FER: variants seen among roughly 807,000 people sequenced by gnomAD.
The protein encoded by FER is FER tyrosine kinase.
Under a neutral mutation model 111.0 loss-of-function variants are expected in FER, and 63 were observed. The ratio of observed to expected loss-of-function variants is 0.57; its 90% confidence interval spans 0.46 to 0.70. FER has a LOEUF of 0.70. Among genes scored for constraint, FER ranks in the 30% least tolerant of loss-of-function variants. FER has a pLI of 0.00. For synonymous variants in FER, 327 were observed against 313.9 expected, an observed-to-expected ratio of 1.04 and a Z score of -0.44; for missense variants, 914 against 954.0, an observed-to-expected ratio of 0.96 and a Z score of 0.55.
At chr5:108,752,305 T>G (rs1253588519) in intron 1 of FER, among the ~76,000 whole-genome samples, 1 of 152,044 alleles carries the variant, frequency 6.6e-6, no homozygotes, top group Non-Finnish European at 1.5e-5. Context: ...CAGAAAACTA[T>G]AGAGAAGAAA....
chr5:109,043,713 C>A (rs1243958212), intron 14 of FER, among the ~76,000 whole-genome samples: 1 of 152,102 alleles, frequency 6.6e-6, no homozygotes, highest in African/African-American at 2.4e-5. Context: ...TGGCTCACAC[C>A]TATAATCCCA....
chr5:108,981,085 A>G (rs1014536683), intron 13 of FER, among the ~76,000 whole-genome samples: 22 of 152,280 alleles, frequency 1.4e-4, no homozygotes, highest in African/African-American at 5.1e-4. Context: ...GTGAAGCACA[A>G]TAAAATAAGG....
chr5:109,122,535 G>T (rs140762592), intron 17 of FER, among the ~76,000 whole-genome samples: 470 of 150,018 alleles, frequency 3.1e-3, no homozygotes, highest in African/African-American at 0.011. Context: ...AAAAAAAAAG[G>T]CATGTTCTGC....
chr5:109,046,855 T>C (rs961287178), intron 15 of FER, among the ~76,000 whole-genome samples: 1 of 152,114 alleles, frequency 6.6e-6, no homozygotes, highest in African/African-American at 2.4e-5. Context: ...TTGCACCATT[T>C]TGTGTAAGAG....
chr5:108,761,212 G>A (rs1359869185), intron 1 of FER, among the ~76,000 whole-genome samples: 1 of 152,188 alleles, frequency 6.6e-6, no homozygotes, highest in Non-Finnish European at 1.5e-5. Context: ...ACAGGTGTGA[G>A]CCACTGCACC....
At chr5:108,999,617 A>C (rs1257696357) in intron 13 of FER, among the ~76,000 whole-genome samples, 3 of 152,116 alleles carry the variant, frequency 2.0e-5, no homozygotes, top group Admixed American at 2.0e-4. Context: ...AGATGTTGCT[A>C]AGGTGCTTCC....
intron 1 of FER, among the ~76,000 whole-genome samples, chr5:108,755,825 C>T (rs1459417673): frequency 6.6e-6 from 1 of 151,222 alleles, no homozygotes; most frequent in African/African-American, 2.4e-5. Flanking sequence ...CAGTAGCCAC[C>T]CTAGCAGCTA....
At chr5:108,934,781 G>A (rs1428329194) in intron 10 of FER, among the ~76,000 whole-genome samples, 1 of 152,064 alleles carries the variant, frequency 6.6e-6, no homozygotes, top group Non-Finnish European at 1.5e-5. Context: ...AGGGCTTTAG[G>A]CTCTTGCTGA....
intron 13 of FER, among the ~76,000 whole-genome samples, chr5:109,011,876 A>G (rs1039952939): frequency 1.2e-4 from 18 of 152,300 alleles, no homozygotes; most frequent in African/African-American, 3.8e-4. Context: ...TAGTTTACCT[A>G]ATTCCAATTG....
chr5:108,820,625 C>T, intron 3 of FER: 4 of 854,366 alleles, frequency 4.7e-6, no homozygotes, highest in Non-Finnish European at 5.6e-6. Context: ...TCATGTGGTT[C>T]TCTAACTTTT....
At chr5:108,868,574 A>C (rs1289239451) in intron 6 of FER, among the ~76,000 whole-genome samples, 1 of 152,124 alleles carries the variant, frequency 6.6e-6, no homozygotes, top group Non-Finnish European at 1.5e-5. Context: ...TAGTTGTTTT[A>C]GTGCCTTCCA....
intron 5 of FER, among the ~76,000 whole-genome samples, chr5:108,853,032 C>G (rs1378917439): frequency 1.3e-5 from 2 of 152,076 alleles, no homozygotes; most frequent in Admixed American, 6.5e-5. Flanking sequence ...GAAGTTCTGT[C>G]TTTTTGCTAA....
At chr5:109,119,081 GT>G (rs1364114926) in intron 17 of FER, among the ~76,000 whole-genome samples, 1 of 151,958 alleles carries the variant, frequency 6.6e-6, no homozygotes, top group African/African-American at 2.4e-5. Flanking sequence ...TGTTTCTCTA[GT>G]TCTTTTAATT....
chr5:109,029,425 C>CTTTT (rs757282669), intron 13 of FER, among the ~76,000 whole-genome samples: 165 of 52,122 alleles, frequency 3.2e-3, no homozygotes, highest in East Asian at 4.1e-3. Flanking sequence ...ATTCATTGTT[C>CTTTT]TTTTTTTTTT....
chr5:108,787,061 G>C (rs548336913), intron 2 of FER, among the ~76,000 whole-genome samples: 2 of 152,122 alleles, frequency 1.3e-5, no homozygotes, highest in East Asian at 3.9e-4. Flanking sequence ...GGAGCTTTGT[G>C]CTCCTGGGTG....
At chr5:109,112,942 T>C (rs1013803784) in intron 17 of FER, among the ~76,000 whole-genome samples, 2 of 152,166 alleles carry the variant, frequency 1.3e-5, no homozygotes, top group African/African-American at 4.8e-5. Flanking sequence ...TTCTCAGTAG[T>C]ATGAAACCTT....
At chr5:109,096,846 T>A (rs552644855) in intron 16 of FER, among the ~76,000 whole-genome samples, 1 of 151,790 alleles carries the variant, frequency 6.6e-6, no homozygotes, top group Admixed American at 6.6e-5. Context: ...GGAAAATAGA[T>A]GTTATACAGC....
chr5:108,938,018 TCTCTCTCTCA>T (rs1411564235), intron 10 of FER, among the ~76,000 whole-genome samples: 1 of 115,214 alleles, frequency 8.7e-6, no homozygotes, highest in Admixed American at 9.7e-5. Flanking sequence ...TTTTTCCCTA[TCTCTCTCTCA>T]CACACACACA....
chr5:108,888,644 A>G (rs1747535819), intron 9 of FER, among the ~76,000 whole-genome samples: 1 of 151,932 alleles, frequency 6.6e-6, no homozygotes, highest in Non-Finnish European at 1.5e-5. Context: ...ATTTCTACTT[A>G]CTGAAGTATG....
Sources: gnomAD v4.1 joint callset for allele counts (sites outside exome capture counted in the v4.1 genomes callset) on GRCh38, gnomAD v4.1.1 for gene constraint, MANE v1.5 for transcripts, NCBI Gene and HGNC (gene_info 2026-07-23, HGNC 2026-07-21) for gene names.